PAWR: variants seen among roughly 807,000 people sequenced by gnomAD.
The protein encoded by PAWR is PRKC apoptosis WT1 regulator protein.
A neutral mutation model predicts 32.0 loss-of-function variants in PAWR; 23 were observed. The observed-to-expected ratio is 0.72, with a 90% CI of 0.52 to 1.02. PAWR has a LOEUF of 1.02. Ranked by LOEUF, PAWR falls within the 50% of genes least tolerant of loss-of-function variation. The pLI, the probability that PAWR is intolerant of heterozygous loss-of-function variation, is 0.00. For missense variants in PAWR, 457 were observed against 437.7 expected, an observed-to-expected ratio of 1.04 and a Z score of -0.39; for synonymous variants, 226 against 187.1, an observed-to-expected ratio of 1.21 and a Z score of -1.70.
At chr12:79,685,092 AATT>A (rs1322462456) in intron 2 of PAWR, among the ~76,000 whole-genome samples, 2 of 152,204 alleles carry the variant, frequency 1.3e-5, no homozygotes, top group Non-Finnish European at 2.9e-5. Flanking sequence ...TTAATTATGT[AATT>A]ATTATTTTTA....
At chr12:79,628,548 G>T (rs949834985) in intron 2 of PAWR, among the ~76,000 whole-genome samples, 9 of 152,028 alleles carry the variant, frequency 5.9e-5, no homozygotes, top group African/African-American at 2.2e-4. Flanking sequence ...TCAAATAAAG[G>T]TTCTAAATGT....
rs1255103165 is a variant in PAWR at position 79,591,337 on chromosome 12, T to C, written c.*1270A>G. ...CTTGGCAAGTGAAGGAAAAAGTCAG[T>C]AGAGTACCTAAAATGGATTTGACTA... is the stretch of plus-strand genomic sequence containing the variant. On this transcript the variant is annotated 3_prime_UTR_variant, in exon 7 of 7. Transcript: ENST00000328827. The C allele has an allele frequency of 1.3e-5, 2 of 152,174 alleles. No homozygotes were observed. The highest frequency in any genetic ancestry group is 1.9e-4 in the East Asian group (1 of 5,202). The allele number at this position is 152,174 out of a possible 1,614,324, so 9.4% of individuals were successfully genotyped here. A position where few individuals can be genotyped will look rare whatever the true frequency, so the allele number is the denominator to read the frequency against.
chr12:79,687,699 G>A (rs1045472899), intron 2 of PAWR, among the ~76,000 whole-genome samples: 4 of 152,022 alleles, frequency 2.6e-5, no homozygotes, highest in African/African-American at 9.7e-5. Context: ...AAACTACCAG[G>A]AGAAATGGCA....
chr12:79,600,474 T>C (rs1446285992), intron 4 of PAWR, among the ~76,000 whole-genome samples: 2 of 151,534 alleles, frequency 1.3e-5, no homozygotes, highest in Non-Finnish European at 2.9e-5. Context: ...TGCTTTGCTT[T>C]TTTGGGGGGG....
At chr12:79,663,474 C>A (rs1209541711) in intron 2 of PAWR, among the ~76,000 whole-genome samples, 1 of 152,124 alleles carries the variant, frequency 6.6e-6, no homozygotes, top group Non-Finnish European at 1.5e-5. Flanking sequence ...GATTCTTAGG[C>A]AAATAAAGTT....
At chr12:79,632,328 T>C (rs181383473) in intron 2 of PAWR, among the ~76,000 whole-genome samples, 1,065 of 34,134 alleles carry the variant, frequency 0.031, 153 homozygotes, top group African/African-American at 0.055. Flanking sequence ...TATATATATA[T>C]ATATATATAT....
intron 5 of PAWR, among the ~76,000 whole-genome samples, 172 bp from the exon 6 acceptor site, chr12:79,594,605 G>A (rs1467364056): frequency 6.6e-6 from 1 of 152,194 alleles, no homozygotes; most frequent in African/African-American, 2.4e-5. Context: ...AAAGGAATCA[G>A]AGAATGCACA....
At chr12:79,657,686 C>G (rs1006969447) in intron 2 of PAWR, among the ~76,000 whole-genome samples, 1 of 151,556 alleles carries the variant, frequency 6.6e-6, no homozygotes, top group Admixed American at 6.6e-5. Flanking sequence ...CCCAGCGACT[C>G]GGGAGGCTGA....
intron 2 of PAWR, among the ~76,000 whole-genome samples, chr12:79,632,325 ATATATATATATATATAT>A (rs1875700295): frequency 2.9e-5 from 1 of 35,020 alleles, no homozygotes; most frequent in African/African-American, 3.9e-4. Context: ...ATATATATAT[ATATATATATATATATAT>A]ATATATATAT....
intron 2 of PAWR, among the ~76,000 whole-genome samples, chr12:79,678,206 T>C (rs1878263374): frequency 6.6e-6 from 1 of 152,232 alleles, no homozygotes; most frequent in South Asian, 2.1e-4. Context: ...GATTTCAAAT[T>C]AGGCAGACAA....
intron 2 of PAWR, among the ~76,000 whole-genome samples, chr12:79,673,214 C>T (rs532042057): frequency 6.6e-6 from 1 of 152,162 alleles, no homozygotes; most frequent in East Asian, 1.9e-4. Flanking sequence ...GGACTACAGG[C>T]ACCTGCCACC....
At chr12:79,592,757 TA>T (rs1340627984) in intron 6 of PAWR, 64 bp from the exon 7 acceptor site, 2 of 630,270 alleles carry the variant, frequency 3.2e-6, no homozygotes, top group Non-Finnish European at 5.6e-6. Context: ...TGAAAACACT[TA>T]ATACACATTA....
In PAWR at chr12:79,661,401, A is replaced by C. The variant is rs538769732; in HGVS notation, c.516+28328T>G. On this transcript the variant is annotated intron_variant, in intron 2 of 6. Coordinates refer to ENST00000328827, the MANE Select transcript of PAWR (RefSeq NM_002583.4). ...GCCATTAACAACCTTGAAAGAAAAAATCTCTGGAGATATCCACACATATTT... is the reference window on the plus strand; with the variant it reads ...GCCATTAACAACCTTGAAAGAAAAACTCTCTGGAGATATCCACACATATTT... Among the ~76,000 whole-genome samples the C allele has an allele frequency of 5.9e-5, 9 of 152,286 alleles. No individual in the cohort carries two copies. In the East Asian group the frequency reaches 1.5e-3, roughly 26 times the overall value.
At chr12:79,685,883 A>G (rs1345353516) in intron 2 of PAWR, among the ~76,000 whole-genome samples, 2 of 152,222 alleles carry the variant, frequency 1.3e-5, no homozygotes, top group African/African-American at 2.4e-5. Context: ...CTAGATATAT[A>G]CATACACACA....
rs543388574 is a variant in PAWR at position 79,594,295 on chromosome 12, C to A, written c.936+34G>T. 4.0e-4 allele frequency: 334 copies of A among 840,050 alleles called. 2 individuals are homozygous for A. In the African/African-American group the frequency reaches 4.7e-3, roughly 12 times the overall value. The allele number at this position is 840,050 out of a possible 1,614,324, so 52.0% of individuals were successfully genotyped here. A position where few individuals can be genotyped will look rare whatever the true frequency, so the allele number is the denominator to read the frequency against. ...ATTTTCATCCAATTGCCAAAAAAAACCCCTCCAAACCTGAAATATGGTGAA... is the reference window on the plus strand; with the variant it reads ...ATTTTCATCCAATTGCCAAAAAAAAACCCTCCAAACCTGAAATATGGTGAA... On this transcript the variant is annotated intron_variant, in intron 6 of 6. Transcript: ENST00000328827.
intron 2 of PAWR, among the ~76,000 whole-genome samples, chr12:79,638,862 T>TTATATA (rs1876105024): frequency 3.9e-5 from 1 of 25,426 alleles, no homozygotes. Flanking sequence ...TGAGATGGAG[T>TTATATA]CATATATATA....
chr12:79,635,133 A>G (rs1208570031), intron 2 of PAWR, among the ~76,000 whole-genome samples: 3 of 152,018 alleles, frequency 2.0e-5, no homozygotes, highest in Non-Finnish European at 4.4e-5. Context: ...ACATCTTGCT[A>G]TTGTCAGATG....
At position 79,648,793 on chromosome 12, in the gene PAWR, G is replaced by GGAAAAAA. The variant is rs1555176091; in HGVS notation, c.517-27587_517-27586insTTTTTTC. ...AACAGGATGGCTCTAACAGGGGCTA[G>GGAAAAAA]AAAAAAAAAAATAAAAAAACCCTAA... On this transcript the variant is annotated intron_variant, in intron 2 of 6. Coordinates refer to ENST00000328827, the MANE Select transcript of PAWR (RefSeq NM_002583.4). 2.5e-3 allele frequency among the ~76,000 whole-genome samples: 306 copies of GGAAAAAA among 120,362 alleles called. 3 individuals carry two copies. The highest frequency in any genetic ancestry group is 0.013 in the African/African-American group (288 of 21,360). The allele number at this position is 120,362 out of a possible 152,430, so 79.0% of individuals were successfully genotyped here.
chr12:79,690,129 G>A lies in PAWR; in HGVS notation c.116C>T (p.Pro39Leu), dbSNP rs1430212032. The change falls in exon 2 of 7, where the codon CCG (proline) becomes CTG (leucine). Residue 39 changes from proline to leucine, a missense_variant. Physicochemically the swap from Pro to Leu is moderately conservative, Grantham distance 98 (BLOSUM62 -3). Transcript: ENST00000328827. The part of the protein sequence containing the change: ...KMRAKQNPPG[P>L]APPGGGSSDA... The stretch of plus-strand genomic sequence containing the variant: ...GCTGCTGCCCCCTCCCGGGGGGGCC[G>A]GGCCCGGGGGGTTCTGCTTGGCGCG... 3 of 1,505,108 alleles carry A rather than the reference G, an allele frequency of 2.0e-6. No individual in the cohort carries two copies. The South Asian group carries it at 3.6e-5, about 18-fold the overall frequency. The allele number at this position is 1,505,108 out of a possible 1,614,324, so 93.2% of individuals were successfully genotyped here.
Sources: gnomAD v4.1 joint callset for allele counts (sites outside exome capture counted in the v4.1 genomes callset) on GRCh38, gnomAD v4.1.1 for gene constraint, MANE v1.5 for transcripts, NCBI Gene and HGNC (gene_info 2026-07-23, HGNC 2026-07-21) for gene names.